MAP3K19: variants seen among roughly 807,000 people sequenced by gnomAD.
MAP3K19 encodes the protein SPS1/STE20-related protein kinase YSK4.
In MAP3K19, 91 loss-of-function variants were observed where a neutral mutation model predicts 114.4. The ratio of observed to expected loss-of-function variants is 0.80; its 90% CI spans 0.67 to 0.95. The LOEUF is 0.95. MAP3K19 is among the 40% of genes least tolerant of loss of function. The pLI, the probability that MAP3K19 is intolerant of heterozygous loss-of-function variation, is 0.00. For missense variants in MAP3K19, 1,471 were observed against 1,573.2 expected (o/e 0.94, Z 1.10); for synonymous variants, 518 against 530.5 (o/e 0.98, Z 0.32).
chr2:135,033,316 G>T (rs1221438123), intron 2 of MAP3K19, among the ~76,000 whole-genome samples: 1 of 123,460 alleles, frequency 8.1e-6, no homozygotes. Flanking sequence ...AGTAGGAGCG[G>T]CTGGGCAGAG....
At chr2:134,988,333 G>T in intron 9 of MAP3K19, 80 bp from the exon 10 acceptor site, 3 of 1,174,788 alleles carry the variant, frequency 2.6e-6, no homozygotes, top group South Asian at 1.9e-5. Context: ...AGTCTAAAGA[G>T]ATTATAATAT....
intron 5 of MAP3K19, among the ~76,000 whole-genome samples, chr2:135,018,281 C>CAAAA (rs781510594): frequency 3.9e-3 from 227 of 58,100 alleles, no homozygotes; most frequent in East Asian, 6.7e-3. Context: ...GCAACAACAG[C>CAAAA]AAAAAAAAAA....
intron 5 of MAP3K19, among the ~76,000 whole-genome samples, chr2:135,016,176 G>A (rs899375843): frequency 6.6e-6 from 1 of 152,156 alleles, no homozygotes; most frequent in East Asian, 1.9e-4. Flanking sequence ...AGTTTTGCTT[G>A]GGCTCAGGAA....
chr2:135,033,584 C>A (rs1688447636), intron 2 of MAP3K19, among the ~76,000 whole-genome samples: 1 of 88,568 alleles, frequency 1.1e-5, no homozygotes. Context: ...GCTGACCCCC[C>A]CACCGCCCTC....
chr2:134,975,831 G>A (rs1259680704), intron 12 of MAP3K19, among the ~76,000 whole-genome samples: 1 of 152,188 alleles, frequency 6.6e-6, no homozygotes, highest in Non-Finnish European at 1.5e-5. Context: ...ACACACTTCA[G>A]CCTAAGCAGA....
At position 135,005,515 on chromosome 2, in the gene MAP3K19, C is replaced by T. The variant is rs147635402; in HGVS notation, c.155G>A (p.Gly52Asp). The T allele has an allele frequency of 4.3e-5, 70 of 1,613,854 alleles. No individual in the cohort carries two copies. The African/African-American group carries it at 7.6e-4, about 18-fold the overall frequency. The stretch of plus-strand genomic sequence containing the variant: ...AACCAGTGTGGAATGACTGCAGTCA[C>T]CATCTTGGTCGAACTCCTGCAATAT... ...ISRSEEFDQDGDCSHSTLVNE... is the reference protein window; with the variant it reads ...ISRSEEFDQDDDCSHSTLVNE... Residue 52 changes from glycine to aspartate, a missense_variant, in exon 6 of 13, where the codon GGT becomes GAT. Transcript: ENST00000392915.
At chr2:134,998,704 A>G (rs1686205741) in intron 8 of MAP3K19, 34 bp downstream of exon 8, 1 of 1,566,646 alleles carries the variant, frequency 6.4e-7, no homozygotes, top group Non-Finnish European at 8.6e-7. Context: ...TGTTGACCAA[A>G]AGGACTCACT....
At chr2:134,992,762 TG>T (rs1685675928) in intron 8 of MAP3K19, among the ~76,000 whole-genome samples, 1 of 151,946 alleles carries the variant, frequency 6.6e-6, no homozygotes, top group Non-Finnish European at 1.5e-5. Flanking sequence ...CTCCACCTCC[TG>T]GGTTCAAGCA....
At chr2:134,965,905 CCT>C (rs1381324844) in intron 12 of MAP3K19, among the ~76,000 whole-genome samples, 1 of 152,208 alleles carries the variant, frequency 6.6e-6, no homozygotes, top group Non-Finnish European at 1.5e-5. Context: ...CCCTTCCCAG[CCT>C]CTGATAACTA....
Position 134,991,565 on chromosome 2 carries a change from T to C in MAP3K19, c.590A>G (p.His197Arg), listed in dbSNP as rs750106892. 9.9e-6 allele frequency: 16 copies of C among 1,613,382 alleles called. No individual in the cohort carries two copies. Among genetic ancestry groups the C allele is most frequent in the Admixed American group, 1.7e-5 (1 of 60,004 alleles). ...QRKSEEFSTSHMKYSGRSIKF... is the reference protein window; with the variant it reads ...QRKSEEFSTSRMKYSGRSIKF... ...GATGCTTCGGCCACTGTACTTCATA[T>C]GAGAGGTCGAAAACTCTACAACAAG... The change falls in exon 9 of 13, where the codon CAT becomes CGT. Residue 197 changes from histidine (H) to arginine (R), a missense_variant. By Grantham distance (29) the His-to-Arg change is conservative (BLOSUM62 0). Transcript: ENST00000392915.
In MAP3K19 at chr2:135,002,462, G is replaced by T. The variant is rs569027504; in HGVS notation, c.236-2447C>A. On this transcript the variant is annotated intron_variant, in intron 6 of 12. Coordinates refer to ENST00000392915, the MANE Select transcript of MAP3K19 (RefSeq NM_025052.5). ...TATTTTATTTGTTAAATTTCCGTGG[G>T]TACATAATAGGAGCATATATCAATG... is the stretch of plus-strand genomic sequence containing the variant. Among the ~76,000 whole-genome samples the T allele has an allele frequency of 3.3e-5, 5 of 151,652 alleles. No homozygotes were observed. The South Asian group carries it at 8.3e-4, about 25-fold the overall frequency.
In MAP3K19 at chr2:135,007,575, C is replaced by T. The variant is rs185745876; in HGVS notation, c.139-2044G>A. ...TCATTGGGTTGATTATTCATTCTTT[C>T]TAGCTATTTTTTTTTGTACCCATTA... On this transcript the variant is annotated intron_variant, in intron 5 of 12. Transcript: ENST00000392915. 8.3e-4 allele frequency among the ~76,000 whole-genome samples: 125 copies of T among 150,188 alleles called. 1 individual carries two copies. Among genetic ancestry groups the T allele is most frequent in the Middle Eastern group, 3.4e-3 (1 of 294 alleles).
At chr2:134,970,237 T>C (rs1373902586) in intron 12 of MAP3K19, among the ~76,000 whole-genome samples, 6 of 152,348 alleles carry the variant, frequency 3.9e-5, no homozygotes, top group Non-Finnish European at 8.8e-5. Flanking sequence ...TTAACAATAT[T>C]GATTCTTGTG....
rs537640882 is a variant in MAP3K19, at chr2:134,981,081, G to A, written c.3660C>T (p.His1220=). The A allele has an allele frequency of 6.2e-7, 1 of 1,614,234 alleles. No homozygotes were observed. Among genetic ancestry groups the A allele is most frequent in the South Asian group, 1.1e-5 (1 of 91,086 alleles). The change falls in exon 12 of 13, where the codon CAC becomes CAT. Residue 1220 remains histidine, a synonymous_variant. Transcript: ENST00000392915. ...CATGCATGGACTTAAGCATGTCACT[G>A]TGGGTGCCATTTAAACCTGCCCAGG... ...RLAWAGLNGT[H]SDMLKSMHGT...
At chr2:134,989,640 T>C (rs544204123) in intron 9 of MAP3K19, among the ~76,000 whole-genome samples, 9 of 152,278 alleles carry the variant, frequency 5.9e-5, no homozygotes, top group African/African-American at 2.2e-4. Flanking sequence ...CAAAGGCTCA[T>C]AGGAAAAGAA....
intron 5 of MAP3K19, among the ~76,000 whole-genome samples, chr2:135,018,519 G>A (rs966738458): frequency 6.6e-6 from 1 of 152,024 alleles, no homozygotes; most frequent in Non-Finnish European, 1.5e-5. Flanking sequence ...AAAAGTTCTT[G>A]TAGAGACAGC....
intron 4 of MAP3K19, chr2:135,023,748 C>T: frequency 2.8e-6 from 1 of 357,960 alleles, no homozygotes; most frequent in East Asian, 7.4e-5. Context: ...CTAGTTCTTA[C>T]CACCATACAT....
At chr2:134,967,547 T>C (rs770350306) in intron 12 of MAP3K19, among the ~76,000 whole-genome samples, 2 of 152,242 alleles carry the variant, frequency 1.3e-5, no homozygotes, top group African/African-American at 2.4e-5. Flanking sequence ...CTTGTTATTC[T>C]TTACTCCACT....
At chr2:135,011,239 G>A (rs1283983638) in intron 5 of MAP3K19, among the ~76,000 whole-genome samples, 1 of 152,152 alleles carries the variant, frequency 6.6e-6, no homozygotes, top group Admixed American at 6.5e-5. Flanking sequence ...CTAATGAAAG[G>A]TTTTTAAAAA....
Sources: allele counts gnomAD v4.1 joint callset (sites outside exome capture counted in the v4.1 genomes callset), GRCh38; gene constraint gnomAD v4.1.1; transcripts MANE v1.5; gene names NCBI Gene and HGNC (gene_info 2026-07-23, HGNC 2026-07-21).